The following FRAS1 variants were observed in gnomAD, a reference collection of about 807,000 sequenced individuals.
The protein encoded by FRAS1 is extracellular matrix organizing protein FRAS1.
In FRAS1, 290 loss-of-function variants were observed where a neutral mutation model predicts 435.2. The ratio of observed to expected loss-of-function variants is 0.67; its 90% CI spans 0.61 to 0.73. The LOEUF (loss-of-function observed/expected upper bound fraction) is 0.73, where lower values mean the gene tolerates loss of function less well. Ranked by LOEUF, FRAS1 falls within the 30% of genes least tolerant of loss-of-function variation. FRAS1 has a pLI of 0.00. For missense variants in FRAS1, 4,860 were observed against 5,001.5 expected (o/e 0.97, Z 0.85); for synonymous variants, 1,800 against 1,851.0 (o/e 0.97, Z 0.71).
At chr4:78,172,046 G>C (rs948441022) in intron 2 of FRAS1, among the ~76,000 whole-genome samples, 14 of 152,060 alleles carry the variant, frequency 9.2e-5, no homozygotes, top group African/African-American at 3.4e-4. Flanking sequence ...GATGGGCCTT[G>C]ACTTCTGACC....
intron 14 of FRAS1, among the ~76,000 whole-genome samples, chr4:78,295,305 G>A (rs1728096328): frequency 6.6e-6 from 1 of 152,040 alleles, no homozygotes; most frequent in Admixed American, 6.5e-5. Context: ...TAAGCTTTTT[G>A]ACACAGAGTA....
chr4:78,430,698 A>G (rs1734183940), intron 37 of FRAS1, among the ~76,000 whole-genome samples: 10 of 152,138 alleles, frequency 6.6e-5, no homozygotes, highest in Admixed American at 6.5e-4. Flanking sequence ...GAGTAAATGC[A>G]TTCAGAATGA....
intron 4 of FRAS1, among the ~76,000 whole-genome samples, chr4:78,245,972 C>T (rs1725223490): frequency 6.6e-6 from 1 of 152,126 alleles, no homozygotes; most frequent in Admixed American, 6.5e-5. Context: ...CCAAATTTCC[C>T]TTGGGGGCAA....
chr4:78,307,249 G>T (rs1728783180), intron 14 of FRAS1, among the ~76,000 whole-genome samples: 1 of 152,252 alleles, frequency 6.6e-6, no homozygotes, highest in South Asian at 2.1e-4. Context: ...CGTGCTGGGA[G>T]AACCACTGCT....
chr4:78,524,507 T>C (rs1721474834), intron 69 of FRAS1, among the ~76,000 whole-genome samples: 1 of 152,108 alleles, frequency 6.6e-6, no homozygotes, highest in Non-Finnish European at 1.5e-5. Flanking sequence ...AGCAAGGAGA[T>C]TAAAAGAACT....
chr4:78,345,873 A>G (rs1339731564), intron 20 of FRAS1, among the ~76,000 whole-genome samples: 4 of 152,212 alleles, frequency 2.6e-5, no homozygotes, highest in African/African-American at 9.6e-5. Flanking sequence ...TTAAAAAAAA[A>G]AAAAAAATCT....
rs1727395853 is a variant in FRAS1 at position 78,282,844 on chromosome 4, C to T, written c.1132C>T (p.Pro378Ser). The part of the protein sequence containing the change: ...IPEGEKWEDG[P>S]CKVCECRGAQ... Reference sequence around the variant, plus strand: ...GGAGGGAGAGAAGTGGGAAGATGGCCCTTGCAAGGTGTGTGAGTGCCGAGG... The same window carrying T: ...GGAGGGAGAGAAGTGGGAAGATGGCTCTTGCAAGGTGTGTGAGTGCCGAGG... The change falls in exon 12 of 74, where the codon CCT becomes TCT. Residue 378 changes from proline to serine, a missense_variant. Physicochemically the swap from Pro to Ser is moderately conservative, Grantham distance 74. Coordinates refer to ENST00000512123, the MANE Select transcript of FRAS1 (RefSeq NM_025074.7). The T allele has an allele frequency of 6.2e-7, 1 of 1,613,204 alleles. No homozygotes were observed. The highest frequency in any genetic ancestry group is 2.2e-5 in the East Asian group (1 of 44,854).
intron 20 of FRAS1, among the ~76,000 whole-genome samples, chr4:78,356,905 G>A (rs1041878626): frequency 2.0e-5 from 3 of 152,100 alleles, no homozygotes; most frequent in Non-Finnish European, 4.4e-5. Flanking sequence ...CAGACAGAGA[G>A]AGAGAGATTC....
chr4:78,085,573 G>A (rs1438569528), intron 2 of FRAS1, among the ~76,000 whole-genome samples: 3 of 152,008 alleles, frequency 2.0e-5, no homozygotes, highest in Non-Finnish European at 2.9e-5. Flanking sequence ...TGTCTTCTGG[G>A]GACTCTCAGA....
intron 5 of FRAS1, 141 bp from the exon 6 acceptor site, chr4:78,255,101 C>G: frequency 2.6e-6 from 2 of 782,942 alleles, no homozygotes; most frequent in Non-Finnish European, 4.4e-6. Flanking sequence ...GTAGTGACTG[C>G]AGAGCATTGA....
intron 61 of FRAS1, among the ~76,000 whole-genome samples, chr4:78,505,223 G>A (rs888739461): frequency 1.3e-4 from 20 of 152,138 alleles, no homozygotes; most frequent in Non-Finnish European, 2.1e-4. Context: ...CTCTTCTTGA[G>A]GAGTACCTTT....
At chr4:78,515,067 C>CAAA (rs34507669) in intron 65 of FRAS1, among the ~76,000 whole-genome samples, 46,226 of 136,096 alleles carry the variant, frequency 0.34, 8,726 homozygotes, top group South Asian at 0.51. Flanking sequence ...GACTCCATCT[C>CAAA]AAAAAAAAAA....
intron 14 of FRAS1, among the ~76,000 whole-genome samples, chr4:78,300,207 C>T (rs764602066): frequency 3.4e-4 from 52 of 152,184 alleles, no homozygotes; most frequent in Non-Finnish European, 7.5e-4. Context: ...TTTGCATCCA[C>T]ATCTTTAACT....
chr4:78,493,512 G>A (rs1374131142), intron 59 of FRAS1, among the ~76,000 whole-genome samples: 1 of 152,092 alleles, frequency 6.6e-6, no homozygotes, highest in South Asian at 2.1e-4. Context: ...GCAGGGACAC[G>A]GATGAAGCTG....
intron 47 of FRAS1, among the ~76,000 whole-genome samples, chr4:78,459,751 C>T (rs1305510147): frequency 6.6e-6 from 1 of 152,184 alleles, no homozygotes; most frequent in East Asian, 1.9e-4. Context: ...GTTGGTAGGA[C>T]TGGCTCCTTC....
chr4:78,123,319 C>T (rs184121615), intron 2 of FRAS1, among the ~76,000 whole-genome samples: 16 of 152,202 alleles, frequency 1.1e-4, no homozygotes, highest in South Asian at 8.3e-4. Flanking sequence ...GGCCTCTGTT[C>T]GGATCCATTG....
intron 6 of FRAS1, among the ~76,000 whole-genome samples, chr4:78,259,462 G>A (rs1401703344): frequency 1.3e-5 from 2 of 150,578 alleles, no homozygotes; most frequent in Non-Finnish European, 3.0e-5. Context: ...GGCCAGTGAT[G>A]GTGAGCATTT....
intron 44 of FRAS1, 90 bp downstream of exon 44, chr4:78,448,406 T>A: frequency 8.0e-7 from 1 of 1,246,810 alleles, no homozygotes; most frequent in South Asian, 1.7e-5. Context: ...ATGTTAGTGA[T>A]GTGGGTGCAT....
rs761522693 is a variant in FRAS1 at position 78,466,299 on chromosome 4, C to T, written c.7121C>T (p.Thr2374Ile). 1 of 1,613,818 alleles carries T rather than the reference C, an allele frequency of 6.2e-7. No homozygotes were observed. Among genetic ancestry groups the T allele is most frequent in the Non-Finnish European group, 8.5e-7 (1 of 1,179,746 alleles). Reference protein sequence around the residue: ...SNGQHFHLTSTFTMKDIYQNR... With the variant: ...SNGQHFHLTSIFTMKDIYQNR... ...GGGCAGCATTTCCACCTCACCTCCACCTTCACCATGAAAGATATCTACCAG... is the reference window on the plus strand; with the variant it reads ...GGGCAGCATTTCCACCTCACCTCCATCTTCACCATGAAAGATATCTACCAG... The change falls in exon 50 of 74, where the codon ACC becomes ATC. Residue 2374 changes from threonine (T) to isoleucine (I), a missense_variant. By Grantham distance (89) the Thr-to-Ile change is moderately conservative. Coordinates refer to ENST00000512123, the MANE Select transcript of FRAS1 (RefSeq NM_025074.7).
Sources: gnomAD v4.1 joint callset for allele counts (sites outside exome capture counted in the v4.1 genomes callset) on GRCh38, gnomAD v4.1.1 for gene constraint, MANE v1.5 for transcripts, NCBI Gene and HGNC (gene_info 2026-07-23, HGNC 2026-07-21) for gene names.